Variants in LIPI observed in about 807,000 individuals in gnomAD.
LIPI encodes the protein lipase member I.
In LIPI, 59 loss-of-function variants were observed where a neutral mutation model predicts 50.6. That is an observed-to-expected ratio of 1.16 (90% CI 0.94 to 1.45). The LOEUF (loss-of-function observed/expected upper bound fraction) is 1.45, where lower values mean the gene tolerates loss of function less well. LIPI is among the 40% of genes most tolerant of loss of function. LIPI has a pLI of 0.00. For synonymous variants in LIPI, 203 were observed against 178.2 expected (o/e 1.14, Z -1.11); for missense variants, 586 against 536.3 (o/e 1.09, Z -0.92).
intron 9 of LIPI, among the ~76,000 whole-genome samples, chr21:14,115,237 C>A (rs1380219140): frequency 6.6e-6 from 1 of 152,088 alleles, no homozygotes; most frequent in East Asian, 1.9e-4. Context: ...GCTTCACCTC[C>A]CTAGTGCAGC....
chr21:14,184,416 T>G (rs367544961), intron 3 of LIPI, among the ~76,000 whole-genome samples: 3 of 152,220 alleles, frequency 2.0e-5, no homozygotes, highest in East Asian at 3.9e-4. Context: ...ACATGGCACA[T>G]GTATACATAT....
At position 14,111,714 on chromosome 21, in the gene LIPI, T is replaced by C. The variant is rs182736763; in HGVS notation, c.1296-2634A>G. Among the ~76,000 whole-genome samples, 434 of 152,250 alleles carry C rather than the reference T, an allele frequency of 2.9e-3. 4 individuals are homozygous for C. Among genetic ancestry groups the C allele is most frequent in the Non-Finnish European group, 3.5e-3 (235 of 67,968 alleles). On this transcript the variant is annotated intron_variant, in intron 9 of 9. Coordinates refer to ENST00000681601, the MANE Select transcript of LIPI (RefSeq NM_001302998.2). ...CTTATATTTTCTTCTAGCAAGTTTA[T>C]AGTTTCAAGCCTTAGATTTTAGTCT...
intron 7 of LIPI, among the ~76,000 whole-genome samples, chr21:14,156,214 A>G (rs1470021134): frequency 6.6e-6 from 1 of 151,974 alleles, no homozygotes; most frequent in African/African-American, 2.4e-5. Flanking sequence ...GATTGCAAAT[A>G]AAATTAGAGT....
intron 1 of LIPI, chr21:14,206,743 C>T: frequency 2.3e-6 from 2 of 866,334 alleles, no homozygotes; most frequent in Middle Eastern, 2.4e-4. Context: ...CATGGCAAGC[C>T]CAGTGTTGTT....
At chr21:14,142,173 G>A (rs1163488874) in intron 9 of LIPI, among the ~76,000 whole-genome samples, 1 of 151,994 alleles carries the variant, frequency 6.6e-6, no homozygotes, top group Non-Finnish European at 1.5e-5. Flanking sequence ...GGGGTTGGGG[G>A]ACTAGGGGAG....
At chr21:14,187,793 G>C (rs1480939295) in intron 2 of LIPI, among the ~76,000 whole-genome samples, 2 of 152,146 alleles carry the variant, frequency 1.3e-5, no homozygotes, top group Non-Finnish European at 2.9e-5. Flanking sequence ...CACTGATTAA[G>C]CACATATATA....
At chr21:14,203,383 A>G (rs1031428775) in intron 1 of LIPI, among the ~76,000 whole-genome samples, 2 of 152,078 alleles carry the variant, frequency 1.3e-5, no homozygotes, top group African/African-American at 4.8e-5. Context: ...ATACATACAC[A>G]CTTACGTTTA....
intron 4 of LIPI, among the ~76,000 whole-genome samples, chr21:14,170,647 T>C (rs1372765435): frequency 2.6e-5 from 4 of 152,192 alleles, no homozygotes; most frequent in East Asian, 3.8e-4. Context: ...AGAAAAGTTT[T>C]TTGACAAAAT....
At chr21:14,117,850 T>C (rs781524200) in intron 9 of LIPI, among the ~76,000 whole-genome samples, 14 of 151,710 alleles carry the variant, frequency 9.2e-5, no homozygotes, top group Non-Finnish European at 1.6e-4. Context: ...AAAAGCAAAG[T>C]GGGAGGCCAA....
chr21:14,180,401 G>A (rs115130325), intron 4 of LIPI, among the ~76,000 whole-genome samples: 1,972 of 152,234 alleles, frequency 0.013, 35 homozygotes, highest in African/African-American at 0.044. Flanking sequence ...AGCGGGCATT[G>A]TGGTCCTACT....
chr21:14,111,763 T>TTTGTATAAGG (rs1424663985), intron 9 of LIPI, among the ~76,000 whole-genome samples: 5 of 152,148 alleles, frequency 3.3e-5, no homozygotes, highest in African/African-American at 1.2e-4. Context: ...AGTTGAATTT[T>TTTGTATAAGG]TTGTATAAGG....
At chr21:14,166,884 C>T (rs1448649865) in intron 4 of LIPI, among the ~76,000 whole-genome samples, 1 of 152,174 alleles carries the variant, frequency 6.6e-6, no homozygotes, top group Non-Finnish European at 1.5e-5. Context: ...TGCAGCGCAC[C>T]ATGTGCAAGC....
intron 1 of LIPI, among the ~76,000 whole-genome samples, chr21:14,210,503 C>A (rs1398100311): frequency 4.7e-5 from 7 of 149,874 alleles, no homozygotes; most frequent in African/African-American, 1.8e-4. Context: ...GAATTTTTTT[C>A]TCTTGAGTAT....
chr21:14,191,509 A>T (rs1037133418), intron 1 of LIPI, among the ~76,000 whole-genome samples: 1 of 145,422 alleles, frequency 6.9e-6, no homozygotes, highest in Non-Finnish European at 1.5e-5. Flanking sequence ...AAAGCAAAAA[A>T]TAAAAATAAA....
chr21:14,206,977 G>A, intron 1 of LIPI: 4 of 1,197,838 alleles, frequency 3.3e-6, no homozygotes, highest in Non-Finnish European at 5.0e-6. Flanking sequence ...TGTATAATAA[G>A]AAGGAAGACC....
Position 14,196,172 on chromosome 21 carries a change from A to AAACAAT in LIPI, c.47-6754_47-6753insATTGTT, listed in dbSNP as rs139955022. Among the ~76,000 whole-genome samples the AAACAAT allele has an allele frequency of 1.6e-3, 222 of 138,306 alleles. 6 individuals carry two copies. The highest frequency in any genetic ancestry group is 2.2e-3 in the Admixed American group (30 of 13,788). The allele number at this position is 138,306 out of a possible 152,430, so 90.7% of individuals were successfully genotyped here. On this transcript the variant is annotated intron_variant, in intron 1 of 9. Transcript: ENST00000681601. ...CCAAATTGTAAAAAAAAAAAACAAA[A>AAACAAT]CAAGAAGTATATGGGTAAATAAACT... is the stretch of plus-strand genomic sequence containing the variant.
At chr21:14,179,100 CATCT>C (rs2019185694) in intron 4 of LIPI, among the ~76,000 whole-genome samples, 1 of 151,972 alleles carries the variant, frequency 6.6e-6, no homozygotes, top group African/African-American at 2.4e-5. Flanking sequence ...GTTTCAAAAG[CATCT>C]ATCTTTTGGA....
intron 4 of LIPI, among the ~76,000 whole-genome samples, chr21:14,172,799 TGGC>T (rs2018965538): frequency 6.6e-6 from 1 of 151,908 alleles, no homozygotes; most frequent in Non-Finnish European, 1.5e-5. Context: ...CACACCAGCA[TGGC>T]ACATGTATAC....
At chr21:14,192,768 A>T (rs2019721084) in intron 1 of LIPI, among the ~76,000 whole-genome samples, 1 of 152,320 alleles carries the variant, frequency 6.6e-6, no homozygotes, top group Admixed American at 6.5e-5. Flanking sequence ...TCCTTTAAAA[A>T]TGAGGAAGAA....
Sources: gnomAD v4.1 joint callset for allele counts (sites outside exome capture counted in the v4.1 genomes callset) on GRCh38, gnomAD v4.1.1 for gene constraint, MANE v1.5 for transcripts, NCBI Gene and HGNC (gene_info 2026-07-23, HGNC 2026-07-21) for gene names.